Variants in CTNNA3 observed in about 807,000 individuals in gnomAD.
CTNNA3 encodes the protein catenin alpha-3.
A neutral mutation model predicts 95.7 loss-of-function variants in CTNNA3; 76 were observed. The observed-to-expected ratio is 0.79, with a 90% CI of 0.66 to 0.96. The LOEUF (loss-of-function observed/expected upper bound fraction) is 0.96, where lower values mean the gene tolerates loss of function less well. CTNNA3 is among the 40% of genes least tolerant of loss of function. The pLI is 0.00. For missense variants in CTNNA3, 1,191 were observed against 1,089.8 expected (o/e 1.09, Z -1.31); for synonymous variants, 431 against 374.4 (o/e 1.15, Z -1.74).
At chr10:66,981,354 C>T (rs61866217) in intron 7 of CTNNA3, among the ~76,000 whole-genome samples, 21,171 of 152,214 alleles carry the variant, frequency 0.14, 1,814 homozygotes, top group Middle Eastern at 0.22. Flanking sequence ...TGCTTTAAAA[C>T]TTCATCAGCT....
chr10:66,759,342 A>G (rs1238383454), intron 9 of CTNNA3, among the ~76,000 whole-genome samples: 1 of 152,194 alleles, frequency 6.6e-6, no homozygotes, highest in Non-Finnish European at 1.5e-5. Context: ...AGGCAGATAT[A>G]AGAGATATCA....
rs1385823404 is a variant in CTNNA3 at position 66,360,770 on chromosome 10, T to TCC, written c.1732+18381_1732+18382insGG. ...TTCCTTCCTTCCTTCCTTCCTTCCT[T>TCC]TTCTTTCTTTCTTTCTTCCTTCCTT... is the stretch of plus-strand genomic sequence containing the variant. On this transcript the variant is annotated intron_variant, in intron 12 of 17. Transcript: ENST00000433211. Among the ~76,000 whole-genome samples, 13 of 31,140 alleles carry TCC rather than the reference T, an allele frequency of 4.2e-4. 2 individuals are homozygous for TCC. Among genetic ancestry groups the TCC allele is most frequent in the African/African-American group, 1.3e-3 (13 of 10,088 alleles). The allele number at this position is 31,140 out of a possible 152,430, so 20.4% of individuals were successfully genotyped here. A position where few individuals can be genotyped will look rare whatever the true frequency, so the allele number is the denominator to read the frequency against.
intron 5 of CTNNA3, among the ~76,000 whole-genome samples, chr10:67,416,978 A>G (rs1290393529): frequency 6.6e-6 from 1 of 152,202 alleles, no homozygotes; most frequent in Non-Finnish European, 1.5e-5. Context: ...CATTCTACCA[A>G]AAAGACACAT....
At chr10:66,533,940 CATTTT>C (rs1841558666) in intron 10 of CTNNA3, among the ~76,000 whole-genome samples, 2 of 152,066 alleles carry the variant, frequency 1.3e-5, no homozygotes, top group Admixed American at 1.3e-4. Context: ...ATGTACGTAT[CATTTT>C]ATTTTATTTA....
chr10:66,250,363 A>G (rs376392397), intron 13 of CTNNA3, among the ~76,000 whole-genome samples: 2 of 152,324 alleles, frequency 1.3e-5, no homozygotes, highest in Admixed American at 6.5e-5. Context: ...ATTTGATAGC[A>G]TGACAGAGTA....
intron 16 of CTNNA3, among the ~76,000 whole-genome samples, chr10:65,982,054 A>G (rs1479303206): frequency 6.6e-6 from 1 of 151,960 alleles, no homozygotes; most frequent in Non-Finnish European, 1.5e-5. Flanking sequence ...AGCAGAGTTA[A>G]TAGAAAACCC....
intron 15 of CTNNA3, among the ~76,000 whole-genome samples, chr10:66,062,488 C>G (rs2080223600): frequency 6.6e-6 from 1 of 151,968 alleles, no homozygotes; most frequent in Non-Finnish European, 1.5e-5. Context: ...AAGGTGGAAC[C>G]AAGGAATAGC....
At chr10:67,349,956 C>T (rs920926303) in intron 5 of CTNNA3, among the ~76,000 whole-genome samples, 3 of 152,032 alleles carry the variant, frequency 2.0e-5, no homozygotes, top group African/African-American at 7.2e-5. Flanking sequence ...CTCAGTATAT[C>T]AGCTTAATTA....
intron 5 of CTNNA3, chr10:67,346,634 A>G: frequency 2.1e-6 from 1 of 475,286 alleles, no homozygotes; most frequent in Non-Finnish European, 4.2e-6. Context: ...AAATATGGAG[A>G]GAGAAACTTC....
intron 10 of CTNNA3, among the ~76,000 whole-genome samples, chr10:66,575,838 C>A (rs745468757): frequency 6.6e-6 from 1 of 152,034 alleles, no homozygotes; most frequent in African/African-American, 2.4e-5. Flanking sequence ...ACAAGGACAT[C>A]AAATACAATG....
At chr10:66,453,509 G>A (rs113426327) in intron 11 of CTNNA3, among the ~76,000 whole-genome samples, 2 of 152,354 alleles carry the variant, frequency 1.3e-5, no homozygotes, top group African/African-American at 2.4e-5. Context: ...AGGAAGATGA[G>A]GGAGAAAGAA....
chr10:66,737,994 G>C (rs573671980), intron 9 of CTNNA3, among the ~76,000 whole-genome samples: 81 of 152,164 alleles, frequency 5.3e-4, no homozygotes, highest in African/African-American at 1.9e-3. Flanking sequence ...TCTCTTCCCT[G>C]CACTGAAGGA....
At chr10:66,387,944 A>T (rs970568640) in intron 11 of CTNNA3, among the ~76,000 whole-genome samples, 1 of 152,000 alleles carries the variant, frequency 6.6e-6, no homozygotes, top group Non-Finnish European at 1.5e-5. Context: ...GGGGCCTGTC[A>T]GGGGATGGAG....
intron 10 of CTNNA3, among the ~76,000 whole-genome samples, chr10:66,577,113 C>A (rs1177283128): frequency 2.0e-5 from 3 of 150,790 alleles, no homozygotes; most frequent in African/African-American, 7.3e-5. Context: ...TATTTGTTGG[C>A]CACATGTATG....
intron 7 of CTNNA3, among the ~76,000 whole-genome samples, chr10:66,993,021 A>G (rs2132943025): frequency 6.6e-6 from 1 of 152,254 alleles, no homozygotes; most frequent in South Asian, 2.1e-4. Context: ...TTTCTAAAAA[A>G]TCATTATTTT....
At chr10:66,703,735 T>C (rs532133532) in intron 9 of CTNNA3, among the ~76,000 whole-genome samples, 42 of 152,310 alleles carry the variant, frequency 2.8e-4, no homozygotes, top group African/African-American at 9.1e-4. Context: ...AGCACAGTTA[T>C]TGTCCTTGGA....
intron 12 of CTNNA3, among the ~76,000 whole-genome samples, chr10:66,309,644 C>G (rs1221298774): frequency 1.5e-5 from 2 of 137,552 alleles, no homozygotes; most frequent in Non-Finnish European, 3.0e-5. Context: ...TGAGATCGCG[C>G]CACTGCACTC....
intron 5 of CTNNA3, chr10:67,334,651 G>C (rs1841922218): frequency 6.6e-6 from 1 of 152,482 alleles, no homozygotes; most frequent in African/African-American, 2.4e-5. Context: ...GAGAAGGCAA[G>C]CCTAAAAGAC....
chr10:66,925,371 A>G (rs921149348), intron 7 of CTNNA3, among the ~76,000 whole-genome samples: 1 of 152,226 alleles, frequency 6.6e-6, no homozygotes, highest in African/African-American at 2.4e-5. Context: ...TCAATAAAGT[A>G]TGAACCAAAT....
Sources: gnomAD v4.1 joint callset for allele counts (sites outside exome capture counted in the v4.1 genomes callset) on GRCh38, gnomAD v4.1.1 for gene constraint, MANE v1.5 for transcripts, NCBI Gene and HGNC (gene_info 2026-07-23, HGNC 2026-07-21) for gene names.